The following COL27A1 variants were observed in gnomAD, a reference collection of about 807,000 sequenced individuals.
COL27A1 encodes collagen alpha-1(XXVII) chain.
Under a neutral mutation model 251.3 loss-of-function variants are expected in COL27A1, and 106 were observed. The observed-to-expected ratio is 0.42, with a 90% CI of 0.36 to 0.50. The LOEUF (loss-of-function observed/expected upper bound fraction) is 0.50. Ranked by LOEUF, COL27A1 falls within the 20% of genes least tolerant of loss-of-function variation. The probability of loss-of-function intolerance (pLI) is 0.00; values close to 1 mark genes in which losing one functional copy is unlikely to be tolerated. For missense variants in COL27A1, 2,325 were observed against 2,522.8 expected (o/e 0.92, Z 1.68); for synonymous variants, 1,000 against 986.3 (o/e 1.01, Z -0.26).
intron 14 of COL27A1, among the ~76,000 whole-genome samples, chr9:114,229,089 G>T (rs1831732687): frequency 1.3e-5 from 2 of 152,180 alleles, no homozygotes; most frequent in Admixed American, 1.3e-4. Context: ...TTCCCAAAGT[G>T]CTGGGATTAT....
At chr9:114,284,677 C>T in intron 40 of COL27A1, 47 bp from the exon 41 acceptor site, 1 of 1,601,022 alleles carries the variant, frequency 6.2e-7, no homozygotes, top group South Asian at 1.1e-5. Flanking sequence ...GTCCTTTGTC[C>T]TTCCTGAGTC....
At chr9:114,295,535 A>G (rs1828203764) in intron 49 of COL27A1, among the ~76,000 whole-genome samples, 4 of 152,270 alleles carry the variant, frequency 2.6e-5, no homozygotes, top group Non-Finnish European at 5.9e-5. Flanking sequence ...TGATTTCAAG[A>G]CTTATTACAA....
chr9:114,291,997 G>T, intron 48 of COL27A1, 106 bp from the exon 49 acceptor site: 5 of 989,862 alleles, frequency 5.1e-6, no homozygotes, highest in Admixed American at 2.0e-5. Flanking sequence ...GCAATCTCGG[G>T]TACCCTGTGG....
Position 114,240,102 on chromosome 9 carries a change from C to T in COL27A1, c.2728-118C>T, listed in dbSNP as rs1027179979. 2.0e-5 allele frequency: 18 copies of T among 909,984 alleles called. No homozygotes were observed. In the East Asian group the frequency reaches 4.1e-4, roughly 21 times the overall value. The allele number at this position is 909,984 out of a possible 1,614,324, so 56.4% of individuals were successfully genotyped here. On this transcript the variant is annotated intron_variant, in intron 19 of 60. Coordinates refer to ENST00000356083, the MANE Select transcript of COL27A1 (RefSeq NM_032888.4). The stretch of plus-strand genomic sequence containing the variant: ...GGATCAAGGTGGTTAACTGACCTGC[C>T]TGGGGTCCCATCCCAGCAGGATGAG...
At chr9:114,209,229 C>T (rs140103132) in intron 10 of COL27A1, among the ~76,000 whole-genome samples, 3 of 152,278 alleles carry the variant, frequency 2.0e-5, no homozygotes, top group Non-Finnish European at 4.4e-5. Context: ...AGCACTCAGG[C>T]GGCCAGAGGT....
chr9:114,235,063 G>T (rs112649459), intron 16 of COL27A1, among the ~76,000 whole-genome samples: 1 of 139,470 alleles, frequency 7.2e-6, no homozygotes, highest in African/African-American at 2.7e-5. Context: ...TGAGCAACTA[G>T]AGTGAGACTC....
At chr9:114,296,643 G>T (rs1474877164) in intron 49 of COL27A1, among the ~76,000 whole-genome samples, 1 of 152,108 alleles carries the variant, frequency 6.6e-6, no homozygotes, top group Non-Finnish European at 1.5e-5. Context: ...GAATCAGTTG[G>T]GCAGCTTCTT....
In COL27A1 at chr9:114,168,225, G is replaced by A. The variant is rs778424647; in HGVS notation, c.670G>A (p.Val224Ile). ...CQFSIYPVTQ[V>I]AHNYCTHLRK... ...GTTCAGTATCTACCCTGTGACGCAG[G>A]TCGCTCACAATTACTGTACCCACCT... is the stretch of plus-strand genomic sequence containing the variant. The change falls in exon 3 of 61, where the codon GTC becomes ATC. Residue 224 changes from valine to isoleucine, a missense_variant. Transcript: ENST00000356083. 1.2e-6 allele frequency: 2 copies of A among 1,614,012 alleles called. No homozygotes were observed. Among genetic ancestry groups the A allele is most frequent in the South Asian group, 1.1e-5 (1 of 91,084 alleles).
At chr9:114,156,846 G>A (rs966376343) in intron 1 of COL27A1, among the ~76,000 whole-genome samples, 1 of 151,994 alleles carries the variant, frequency 6.6e-6, no homozygotes, top group African/African-American at 2.4e-5. Context: ...GTGTGGGTGT[G>A]TGTGGGAGCC....
intron 21 of COL27A1, among the ~76,000 whole-genome samples, chr9:114,241,888 T>C (rs527754617): frequency 6.6e-6 from 1 of 152,350 alleles, no homozygotes; most frequent in Non-Finnish European, 1.5e-5. Context: ...ATCTTTGAGC[T>C]GCAGTTTGAG....
In COL27A1 at chr9:114,255,374, T is replaced by A. The variant is rs116659475; in HGVS notation, c.3141+2442T>A. ...GCCCAGAGTAGGGCCGAAGCCTGAG[T>A]ACAAGGATGCTGGGGGTACATCATC... On this transcript the variant is annotated intron_variant, in intron 27 of 60. Transcript: ENST00000356083. Among the ~76,000 whole-genome samples the A allele has an allele frequency of 3.6e-3, 554 of 152,136 alleles. 1 individual carries two copies. Among genetic ancestry groups the A allele is most frequent in the African/African-American group, 0.013 (524 of 41,496 alleles).
rs758719212 is a variant in COL27A1, at chr9:114,235,657, T to C, written c.2619+5T>C. Reference sequence around the variant, plus strand: ...CCCGGATTCCAAGGAGACAAGGTAATTGCATGAGATTTTCCCCTCCCCCTG... The same window carrying C: ...CCCGGATTCCAAGGAGACAAGGTAACTGCATGAGATTTTCCCCTCCCCCTG... On this transcript the variant is annotated splice_donor_5th_base_variant and intron_variant, in intron 17 of 60. Transcript: ENST00000356083. 1 of 1,611,264 alleles carries C rather than the reference T, an allele frequency of 6.2e-7. No homozygotes were observed.
chr9:114,294,247 C>CAAAAAA (rs58536000), intron 49 of COL27A1, among the ~76,000 whole-genome samples: 15 of 84,264 alleles, frequency 1.8e-4, no homozygotes, highest in African/African-American at 7.2e-4. Context: ...GACTCTGTCT[C>CAAAAAA]AAAAAAAAAA....
At chr9:114,276,527 C>T (rs890980521) in intron 37 of COL27A1, among the ~76,000 whole-genome samples, 12 of 152,286 alleles carry the variant, frequency 7.9e-5, no homozygotes, top group African/African-American at 2.6e-4. Flanking sequence ...ATCACTTGAA[C>T]CTGGGAGGCG....
chr9:114,211,125 CT>C, intron 12 of COL27A1, 99 bp downstream of exon 12: 1 of 1,257,764 alleles, frequency 8.0e-7, no homozygotes. Flanking sequence ...TCTTCTGCTT[CT>C]CCCCCTGCTT....
chr9:114,228,861 G>T (rs145933099), intron 14 of COL27A1, among the ~76,000 whole-genome samples: 1 of 151,278 alleles, frequency 6.6e-6, no homozygotes, highest in Non-Finnish European at 1.5e-5. Context: ...TCTTTCTGTC[G>T]CCCAGGCTGG....
intron 12 of COL27A1, among the ~76,000 whole-genome samples, chr9:114,217,271 C>T (rs1830772030): frequency 6.6e-6 from 1 of 152,212 alleles, no homozygotes; most frequent in African/African-American, 2.4e-5. Flanking sequence ...CCTCACATGG[C>T]TGAGGCCTCC....
intron 24 of COL27A1, among the ~76,000 whole-genome samples, chr9:114,246,769 G>A (rs1052560603): frequency 1.3e-5 from 2 of 152,128 alleles, no homozygotes; most frequent in Non-Finnish European, 2.9e-5. Context: ...ACAGGGGGAG[G>A]CCTGGATTTT....
chr9:114,236,324 G>T (rs1832397317), intron 17 of COL27A1, among the ~76,000 whole-genome samples: 2 of 152,192 alleles, frequency 1.3e-5, no homozygotes, highest in African/African-American at 2.4e-5. Context: ...TAAGAACAAG[G>T]CTCCAGACTG....
Sources: gnomAD v4.1 joint callset for allele counts (sites outside exome capture counted in the v4.1 genomes callset) on GRCh38, gnomAD v4.1.1 for gene constraint, MANE v1.5 for transcripts, NCBI Gene and HGNC (gene_info 2026-07-23, HGNC 2026-07-21) for gene names.